AATK: variants seen among roughly 807,000 people sequenced by gnomAD.
AATK encodes the protein lemur tail kinase 1.
AATK carries 91 observed loss-of-function variants against 114.3 expected under a neutral mutation model. That is an observed-to-expected ratio of 0.80 (90% CI 0.67 to 0.95). The LOEUF (loss-of-function observed/expected upper bound fraction) is 0.95, where lower values mean the gene tolerates loss of function less well. Ranked by LOEUF, AATK falls within the 40% of genes least tolerant of loss-of-function variation. The pLI is 0.00. For missense variants in AATK, 2,176 were observed against 1,965.2 expected, an observed-to-expected ratio of 1.11 and a Z score of -2.03; for synonymous variants, 1,075 against 916.5, an observed-to-expected ratio of 1.17 and a Z score of -3.12.
chr17:81,140,164 GGCACGT>G (rs1368560297), intron 1 of AATK, among the ~76,000 whole-genome samples: 2 of 152,174 alleles, frequency 1.3e-5, no homozygotes, highest in Non-Finnish European at 2.9e-5. Context: ...GGGTGTGACA[GGCACGT>G]GCCACCGGGC....
At chr17:81,133,093 T>A (rs995481510) in intron 2 of AATK, 3 of 366,370 alleles carry the variant, frequency 8.2e-6, no homozygotes, top group African/African-American at 2.2e-5. Context: ...GGGTCAGGGG[T>A]ACATCCCAGA....
chr17:81,138,659 ACAT>A (rs1385207183), intron 1 of AATK, among the ~76,000 whole-genome samples: 2 of 150,012 alleles, frequency 1.3e-5, no homozygotes, highest in African/African-American at 2.5e-5. Context: ...ATACCCACAC[ACAT>A]ATCCATACAT....
At position 81,160,514 on chromosome 17, in the gene AATK, G is replaced by T. The variant is rs115510639; in HGVS notation, c.55+5424C>A. 3.5e-3 allele frequency among the ~76,000 whole-genome samples: 529 copies of T among 152,358 alleles called. 7 individuals are homozygous for T. The highest frequency in any genetic ancestry group is 0.012 in the African/African-American group (499 of 41,586). On this transcript the variant is annotated intron_variant, in intron 1 of 13. Coordinates refer to ENST00000326724, the MANE Select transcript of AATK (RefSeq NM_001080395.3). ...CGGGGAGGCCAAGGCCGCCGGTCCC[G>T]CGGGCGCTTGTTCCTCTGTGAAAGG... is the stretch of plus-strand genomic sequence containing the variant.
intron 1 of AATK, among the ~76,000 whole-genome samples, chr17:81,161,270 C>T (rs894435330): frequency 6.6e-6 from 1 of 152,132 alleles, no homozygotes; most frequent in African/African-American, 2.4e-5. Context: ...TCCTGCCTCT[C>T]CGGCACAGCG....
rs1416313171 is a variant in AATK, at chr17:81,119,986, T to C, written c.3833A>G (p.Asn1278Ser). 6.9e-7 allele frequency: 1 copy of C among 1,445,942 alleles called. No individual in the cohort carries two copies. Among genetic ancestry groups the C allele is most frequent in the Non-Finnish European group, 9.1e-7 (1 of 1,099,090 alleles). 89.6% of individuals were successfully genotyped at this position (1,445,942 alleles called of 1,614,324 possible). Reference protein sequence around the residue: ...RGSPGSPSAPNRPQQADGSPN... With the variant: ...RGSPGSPSAPSRPQQADGSPN... ...GGAGCCATCAGCCTGCTGCGGCCGG[T>C]TGGGGGCGCTGGGAGAGCCGGGGCT... is the stretch of plus-strand genomic sequence containing the variant. Residue 1278 changes from asparagine (N) to serine (S), a missense_variant, in exon 12 of 14, where the codon AAC (asparagine) becomes AGC (serine). Around this residue, in one of 4 missense-constraint regions of AATK, gnomAD observed 1,701 missense variants for 1,394.7 expected, o/e 1.22. Coordinates refer to ENST00000326724, the MANE Select transcript of AATK (RefSeq NM_001080395.3).
At position 81,120,400 on chromosome 17, in the gene AATK, C is replaced by T. The variant is rs760998878; in HGVS notation, c.3536G>A (p.Ser1179Asn). 1 of 1,600,280 alleles carries T rather than the reference C, an allele frequency of 6.2e-7. No homozygotes were observed. Among genetic ancestry groups the T allele is most frequent in the African/African-American group, 1.3e-5 (1 of 74,748 alleles). ...DESDEELRCY[S>N]VQEPSEDSEE... ...GCTGTCCTCGCTAGGCTCCTGGACG[C>T]TGTAGCAGCGGAGCTCCTCGTCAGA... is the stretch of plus-strand genomic sequence containing the variant. Residue 1179 changes from serine (S) to asparagine (N), a missense_variant, in exon 11 of 14, where the codon AGC becomes AAC. Coordinates refer to ENST00000326724, the MANE Select transcript of AATK (RefSeq NM_001080395.3).
chr17:81,140,934 C>T (rs1567819916), intron 1 of AATK, among the ~76,000 whole-genome samples: 1 of 94,890 alleles, frequency 1.1e-5, no homozygotes, highest in Non-Finnish European at 2.4e-5. Context: ...ACCGTGGGAC[C>T]ATGGGGCCGT....
chr17:81,165,914 C>T (rs543716996), intron 1 of AATK, 24 bp downstream of exon 1: 663 of 1,567,814 alleles, frequency 4.2e-4, no homozygotes, highest in Non-Finnish European at 5.3e-4. Context: ...CAGCGGCGCG[C>T]AGGCCGGGCC....
In AATK at chr17:81,121,133, G is replaced by A. The variant is rs1203591771; in HGVS notation, c.2803C>T (p.Leu935=). 2 of 1,605,382 alleles carry A rather than the reference G, an allele frequency of 1.2e-6. No individual in the cohort carries two copies. The highest frequency in any genetic ancestry group is 2.7e-5 in the African/African-American group (2 of 74,930). The stretch of plus-strand genomic sequence containing the variant: ...TTCTCGGTGTCATAGCCACTGTCCA[G>A]CGCTCGCGGCTGCCCTCCAGAGGGG... ...TGPSGGQPRA[L]DSGYDTENYE... is the part of the protein sequence containing the mutation. Residue 935 remains leucine (L), a synonymous_variant, in exon 11 of 14, where the codon CTG becomes TTG. Coordinates refer to ENST00000326724, the MANE Select transcript of AATK (RefSeq NM_001080395.3).
intron 4 of AATK, among the ~76,000 whole-genome samples, chr17:81,128,141 G>T (rs1396902199): frequency 1.6e-5 from 2 of 122,636 alleles, no homozygotes; most frequent in Non-Finnish European, 3.3e-5. Flanking sequence ...GTCCCCCGCT[G>T]CCCTCTCTCT....
At chr17:81,129,746 C>A (rs569078702) in intron 3 of AATK, among the ~76,000 whole-genome samples, 2 of 152,284 alleles carry the variant, frequency 1.3e-5, no homozygotes, top group African/African-American at 4.8e-5. Flanking sequence ...AGGGCAGTAC[C>A]CCCTCGGATG....
At chr17:81,127,500 A>AG (rs2060859496) in intron 6 of AATK, 83 bp downstream of exon 6, 1 of 1,348,846 alleles carries the variant, frequency 7.4e-7, no homozygotes, top group Non-Finnish European at 1.0e-6. Context: ...GCCCCCAAGG[A>AG]GGGGGTGGCA....
At position 81,126,389 on chromosome 17, in the gene AATK, C is replaced by T. The variant is rs2060825653; in HGVS notation, c.755+38G>A. On this transcript the variant is annotated intron_variant, in intron 7 of 13. Transcript: ENST00000326724. This position sits in a 1 kb window ranked among gnomAD's most constrained non-coding sequence, Gnocchi z 5.1. ...CCTTCCTTCAGGGGAGGGGCCTGGC[C>T]TAGGGCTTCCCGGCCGCTGGCCCGC... is the stretch of plus-strand genomic sequence containing the variant. 6.5e-7 allele frequency: 1 copy of T among 1,537,392 alleles called. No individual in the cohort carries two copies. The highest frequency in any genetic ancestry group is 8.8e-7 in the Non-Finnish European group (1 of 1,138,262).
intron 3 of AATK, among the ~76,000 whole-genome samples, chr17:81,129,900 CCT>C (rs1231295436): frequency 3.3e-5 from 5 of 152,212 alleles, no homozygotes; most frequent in Admixed American, 6.5e-5. Flanking sequence ...AAGTGCCAGC[CCT>C]GATTCCTGCC....
chr17:81,122,478 G>A lies in AATK; in HGVS notation c.1458C>T (p.Gly486=), dbSNP rs1568222092. The A allele has an allele frequency of 1.2e-5, 18 of 1,454,462 alleles. No homozygotes were observed. The highest frequency in any genetic ancestry group is 1.4e-5 in the Non-Finnish European group (15 of 1,098,980). The allele number at this position is 1,454,462 out of a possible 1,614,324, so 90.1% of individuals were successfully genotyped here. ...NFEYKWEAGR[G]AEAFPATLSP... ...TCAGCGTGGCCGGGAAGGCCTCCGC[G>A]CCGCGGCCCGCCTCCCACTTGTACT... Residue 486 remains glycine, a synonymous_variant, in exon 11 of 14, where the codon GGC becomes GGT. Coordinates refer to ENST00000326724, the MANE Select transcript of AATK (RefSeq NM_001080395.3).
In AATK at chr17:81,123,224, G is replaced by T; in HGVS notation, c.1082C>A (p.Pro361His). 1 of 1,424,344 alleles carries T rather than the reference G, an allele frequency of 7.0e-7. No homozygotes were observed. The allele number at this position is 1,424,344 out of a possible 1,614,324, so 88.2% of individuals were successfully genotyped here. A position where few individuals can be genotyped will look rare whatever the true frequency, so the allele number is the denominator to read the frequency against. ...VREQQLKLPK[P>H]QLQLTLSDRW... is the part of the protein sequence containing the mutation. ...GTCCGACAGGGTCAGCTGCAGCTGG[G>T]GCTTGGGCAGCTTGAGCTGCTGCTC... The change falls in exon 10 of 14, where the codon CCC (proline) becomes CAC (histidine). Residue 361 changes from proline (P) to histidine (H), a missense_variant. Coordinates refer to ENST00000326724, the MANE Select transcript of AATK (RefSeq NM_001080395.3).
chr17:81,134,231 A>G, intron 2 of AATK, 137 bp downstream of exon 2: 1 of 1,178,484 alleles, frequency 8.5e-7, no homozygotes, highest in Non-Finnish European at 1.2e-6. Context: ...CGTGGTCCCC[A>G]GGTGGCCCCA....
At chr17:81,127,991 C>A in intron 4 of AATK, 81 bp from the exon 5 acceptor site, 1 of 1,504,644 alleles carries the variant, frequency 6.6e-7, no homozygotes, top group Non-Finnish European at 8.9e-7. Flanking sequence ...TCCCACCCGC[C>A]CCACGCCGGC....
chr17:81,132,949 G>A lies in AATK; in HGVS notation c.189+1419C>T, dbSNP rs1026835566. 5.6e-5 allele frequency: 15 copies of A among 267,098 alleles called. 1 individual carries two copies. In the Middle Eastern group the frequency reaches 4.4e-3, roughly 78 times the overall value. 16.5% of individuals were successfully genotyped at this position (267,098 alleles called of 1,614,324 possible). On this transcript the variant is annotated intron_variant, in intron 2 of 13. Transcript: ENST00000326724. ...TGTTCTTACAGTGCCCCAAGGAGGG[G>A]CCACTTATACAATAGCCCCACTCGT... is the stretch of plus-strand genomic sequence containing the variant.
Sources: allele counts gnomAD v4.1 joint callset (sites outside exome capture counted in the v4.1 genomes callset), GRCh38; gene constraint gnomAD v4.1.1; regional missense constraint gnomAD v4.1.1; non-coding constraint Gnocchi (gnomAD v3.1); transcripts MANE v1.5; gene names NCBI Gene and HGNC (gene_info 2026-07-23, HGNC 2026-07-21).